Variants in GLRB observed in about 807,000 individuals in gnomAD.
GLRB encodes glycine receptor beta.
GLRB carries 33 observed loss-of-function variants against 54.2 expected under a neutral mutation model. The observed-to-expected ratio is 0.61, with a 90% CI of 0.46 to 0.81. GLRB has a LOEUF of 0.81. Among genes scored for constraint, GLRB ranks in the 40% least tolerant of loss-of-function variants. The probability of loss-of-function intolerance (pLI) is 0.00; values close to 1 mark genes in which losing one functional copy is unlikely to be tolerated. For missense variants in GLRB, 572 were observed against 584.6 expected (o/e 0.98, Z 0.22); for synonymous variants, 209 against 208.2 (o/e 1.00, Z -0.03).
At chr4:157,106,947 T>C (rs533608518) in intron 2 of GLRB, among the ~76,000 whole-genome samples, 1 of 152,212 alleles carries the variant, frequency 6.6e-6, no homozygotes, top group South Asian at 2.1e-4. Context: ...TGGCATCATT[T>C]TTCCAACAGC....
intron 8 of GLRB, among the ~76,000 whole-genome samples, chr4:157,148,549 T>G (rs542457190): frequency 1.3e-5 from 2 of 152,314 alleles, no homozygotes; most frequent in Admixed American, 6.5e-5. Context: ...GTACACAAAT[T>G]TTGGTATATT....
At chr4:157,109,647 C>T (rs1240927236) in intron 2 of GLRB, among the ~76,000 whole-genome samples, 2 of 151,950 alleles carry the variant, frequency 1.3e-5, no homozygotes, top group Non-Finnish European at 1.5e-5. Flanking sequence ...GACTGCCCCA[C>T]ACTTCAGATG....
intron 2 of GLRB, among the ~76,000 whole-genome samples, chr4:157,116,420 T>C (rs1184131287): frequency 6.6e-6 from 1 of 151,740 alleles, no homozygotes; most frequent in Non-Finnish European, 1.5e-5. Flanking sequence ...CATAGTCAAA[T>C]GCATAAAACA....
chr4:157,096,989 T>G (rs1219534196), intron 2 of GLRB, among the ~76,000 whole-genome samples: 4 of 152,224 alleles, frequency 2.6e-5, no homozygotes, highest in African/African-American at 7.2e-5. Flanking sequence ...TTTTCTTTGC[T>G]TAATTCCTTG....
At chr4:157,139,668 T>C (rs1736539595) in intron 7 of GLRB, among the ~76,000 whole-genome samples, 1 of 151,950 alleles carries the variant, frequency 6.6e-6, no homozygotes, top group Non-Finnish European at 1.5e-5. Context: ...CACTTAGCAA[T>C]ATAAAGAAGA....
In GLRB at chr4:157,078,703, G is replaced by A. The variant is rs28698876; in HGVS notation, c.122+557G>A. 3.2e-3 allele frequency among the ~76,000 whole-genome samples: 485 copies of A among 152,188 alleles called. 1 individual carries two copies. Among genetic ancestry groups the A allele is most frequent in the African/African-American group, 0.01 (427 of 41,522 alleles). ...TTGTAGAAAGCAGGTCATTAAATTT[G>A]AAATTACTTGAAAACACAAATTCTA... On this transcript the variant is annotated intron_variant, in intron 2 of 9. Coordinates refer to ENST00000264428, the MANE Select transcript of GLRB (RefSeq NM_000824.5).
intron 2 of GLRB, among the ~76,000 whole-genome samples, chr4:157,085,167 CT>C (rs1170620502): frequency 6.6e-6 from 1 of 152,164 alleles, no homozygotes; most frequent in Non-Finnish European, 1.5e-5. Context: ...TAAATGGAAC[CT>C]AACATTCTCT....
intron 2 of GLRB, among the ~76,000 whole-genome samples, chr4:157,087,356 A>C (rs1734448508): frequency 6.6e-6 from 1 of 152,174 alleles, no homozygotes; most frequent in Admixed American, 6.5e-5. Flanking sequence ...TATAACTTTC[A>C]ATAAGTCACT....
At chr4:157,084,779 G>T in intron 2 of GLRB, 1 of 442,092 alleles carries the variant, frequency 2.3e-6, no homozygotes, top group African/African-American at 2.0e-5. Flanking sequence ...TGCTGCTTGG[G>T]TATTATATTA....
At chr4:157,088,833 G>T (rs1734504598) in intron 2 of GLRB, among the ~76,000 whole-genome samples, 1 of 151,392 alleles carries the variant, frequency 6.6e-6, no homozygotes, top group Admixed American at 6.6e-5. Context: ...CATATTAAAG[G>T]GTCACCCACC....
chr4:157,109,609 C>T (rs1560947188), intron 2 of GLRB, among the ~76,000 whole-genome samples: 1 of 151,826 alleles, frequency 6.6e-6, no homozygotes, highest in Non-Finnish European at 1.5e-5. Context: ...AGTGTTGGAT[C>T]ACACAGCTCA....
At chr4:157,167,360 GACTC>G (rs1482041451) in intron 9 of GLRB, among the ~76,000 whole-genome samples, 1 of 152,184 alleles carries the variant, frequency 6.6e-6, no homozygotes, top group African/African-American at 2.4e-5. Context: ...TACATGTGGA[GACTC>G]ACACATTCCT....
At chr4:157,122,199 G>A (rs1311385210) in intron 3 of GLRB, 131 bp from the exon 4 acceptor site, 1 of 475,716 alleles carries the variant, frequency 2.1e-6, no homozygotes, top group Non-Finnish European at 3.8e-6. Context: ...GTTATACTGA[G>A]ACCATAGATT....
chr4:157,117,106 G>A (rs6838646), intron 2 of GLRB, among the ~76,000 whole-genome samples: 9,042 of 151,566 alleles, frequency 0.06, 675 homozygotes, highest in African/African-American at 0.18. Flanking sequence ...TGATAGAAAG[G>A]GCCAATTTAT....
intron 9 of GLRB, among the ~76,000 whole-genome samples, chr4:157,159,739 A>G (rs1210765931): frequency 6.6e-6 from 1 of 152,114 alleles, no homozygotes; most frequent in Non-Finnish European, 1.5e-5. Context: ...GTTTGCCAGT[A>G]TTTTATTGAG....
At chr4:157,131,228 T>C (rs1399081693) in intron 4 of GLRB, among the ~76,000 whole-genome samples, 1 of 151,760 alleles carries the variant, frequency 6.6e-6, no homozygotes. Flanking sequence ...TTTTGCCTTA[T>C]CTTAAAACTT....
intron 9 of GLRB, among the ~76,000 whole-genome samples, chr4:157,154,334 A>G (rs926164864): frequency 5.3e-5 from 8 of 151,078 alleles, no homozygotes; most frequent in African/African-American, 1.9e-4. Context: ...CTTCCATTTA[A>G]CGTAATTATT....
At chr4:157,167,665 T>G (rs1439506996) in intron 9 of GLRB, among the ~76,000 whole-genome samples, 1 of 152,210 alleles carries the variant, frequency 6.6e-6, no homozygotes, top group Non-Finnish European at 1.5e-5. Context: ...TTGCTACTTT[T>G]TCTCTCTCTC....
intron 2 of GLRB, among the ~76,000 whole-genome samples, chr4:157,083,847 C>G (rs973990330): frequency 6.6e-6 from 1 of 151,896 alleles, no homozygotes; most frequent in Non-Finnish European, 1.5e-5. Context: ...CTTTCAAACC[C>G]AGAAAAACTT....
Sources: allele counts gnomAD v4.1 joint callset (sites outside exome capture counted in the v4.1 genomes callset), GRCh38; gene constraint gnomAD v4.1.1; transcripts MANE v1.5; gene names NCBI Gene and HGNC (gene_info 2026-07-23, HGNC 2026-07-21).